Variants in MEX3B observed in about 807,000 individuals in gnomAD.
The protein encoded by MEX3B is mex-3 RNA binding family member B.
In MEX3B, 10 loss-of-function variants were observed where a neutral mutation model predicts 12.2. The ratio of observed to expected loss-of-function variants is 0.82; its 90% CI spans 0.51 to 1.40. MEX3B has a LOEUF of 1.40. Ranked by LOEUF, MEX3B falls within the 40% of genes most tolerant of loss-of-function variation. The pLI, the probability that MEX3B is intolerant of heterozygous loss-of-function variation, is 0.00. For missense variants in MEX3B, 839 were observed against 801.4 expected, an observed-to-expected ratio of 1.05 and a Z score of -0.57; for synonymous variants, 498 against 356.3, an observed-to-expected ratio of 1.40 and a Z score of -4.48.
In MEX3B at chr15:82,045,645, T is replaced by C. The variant is rs1028115042; in HGVS notation, c.61A>G (p.Ser21Gly). The change falls in exon 1 of 2, where the codon AGC (serine) becomes GGC (glycine). Residue 21 changes from serine to glycine, a missense_variant. By Grantham distance (56) the Ser-to-Gly change is moderately conservative. Around this residue, in one of 3 missense-constraint regions of MEX3B, gnomAD observed 214 missense variants for 223.8 expected, o/e 0.96. Coordinates refer to ENST00000329713, the MANE Select transcript of MEX3B (RefSeq NM_032246.6). Reference sequence around the variant, plus strand: ...TCCAGGGTCTCTCCCCCTCCGCTGCTGCCGCCGCCGCCGCCGCCGCTGCCG... The same window carrying C: ...TCCAGGGTCTCTCCCCCTCCGCTGCCGCCGCCGCCGCCGCCGCCGCTGCCG... ...RNGSGGGGGG[S>G]SGGGETLDDQ... 15 of 1,575,690 alleles carry C rather than the reference T, an allele frequency of 9.5e-6. No individual in the cohort carries two copies. The highest frequency in any genetic ancestry group is 4.1e-5 in the African/African-American group (3 of 74,012).
intron 1 of MEX3B, chr15:82,045,013 A>C: frequency 3.5e-6 from 2 of 574,110 alleles, no homozygotes; most frequent in Non-Finnish European, 3.1e-6. Context: ...GACTGGGGGT[A>C]GGGGGTGGGG....
chr15:82,042,143 G>A lies in MEX3B; in HGVS notation c.*1017C>T, dbSNP rs544632731. ...TGCACTGAATTCTATTTATACAAAT[G>A]TTAGAAAGCATCAACAGTTCTTTTT... On this transcript the variant is annotated 3_prime_UTR_variant, in exon 2 of 2. Transcript: ENST00000329713. 6.5e-6 allele frequency: 1 copy of A among 152,686 alleles called. No homozygotes were observed. Among genetic ancestry groups the A allele is most frequent in the East Asian group, 1.9e-4 (1 of 5,190 alleles). The allele number at this position is 152,686 out of a possible 1,614,324, so 9.5% of individuals were successfully genotyped here. A position where few individuals can be genotyped will look rare whatever the true frequency, so the allele number is the denominator to read the frequency against.
chr15:82,044,863 T>C lies in MEX3B; in HGVS notation c.257-250A>G. On this transcript the variant is annotated intron_variant, in intron 1 of 1. Transcript: ENST00000329713. The surrounding 1 kb of genome is among the most constrained non-coding windows in gnomAD (Gnocchi z 5.3). ...GGCCCTCCCCCAGTGACTGCAGTCG[T>C]CCCGAACCAAACCCGAGAATCCCAG... The C allele has an allele frequency of 1.7e-6, 1 of 590,754 alleles. No individual in the cohort carries two copies. Among genetic ancestry groups the C allele is most frequent in the East Asian group, 2.8e-5 (1 of 35,268 alleles). 36.6% of individuals were successfully genotyped at this position (590,754 alleles called of 1,614,324 possible).
rs1596005828 is a variant in MEX3B, at chr15:82,043,062, G to C, written c.*98C>G. 1.2e-5 allele frequency: 13 copies of C among 1,125,916 alleles called. No homozygotes were observed. The highest frequency in any genetic ancestry group is 9.5e-5 in the South Asian group (4 of 42,262). 69.7% of individuals were successfully genotyped at this position (1,125,916 alleles called of 1,614,324 possible). A position where few individuals can be genotyped will look rare whatever the true frequency, so the allele number is the denominator to read the frequency against. ...TGGGGCCGGGAAGGAGAAGGGAGAG[G>C]GGGGGCACCCAGGGAGGCAGGCGAG... On this transcript the variant is annotated 3_prime_UTR_variant, in exon 2 of 2. Coordinates refer to ENST00000329713, the MANE Select transcript of MEX3B (RefSeq NM_032246.6).
At position 82,045,823 on chromosome 15, in the gene MEX3B, G is replaced by C; in HGVS notation, c.-118C>G. ...GCGGGGAGGCCGGTCGCCTGCTGAG[G>C]GCTCCGTTGCTTCTTCCTCGGTGCT... is the stretch of plus-strand genomic sequence containing the variant. On this transcript the variant is annotated 5_prime_UTR_variant, in exon 1 of 2. Coordinates refer to ENST00000329713, the MANE Select transcript of MEX3B (RefSeq NM_032246.6). The C allele has an allele frequency of 6.1e-6, 7 of 1,141,464 alleles. No homozygotes were observed. The highest frequency in any genetic ancestry group is 7.9e-6 in the Non-Finnish European group (7 of 886,904). The allele number at this position is 1,141,464 out of a possible 1,614,324, so 70.7% of individuals were successfully genotyped here. A position where few individuals can be genotyped will look rare whatever the true frequency, so the allele number is the denominator to read the frequency against.
rs1250506458 is a variant in MEX3B, at chr15:82,044,449, G to C, written c.421C>G (p.Arg141Gly). Residue 141 changes from arginine (R) to glycine (G), a missense_variant, in exon 2 of 2, where the codon CGG becomes GGG. Around this residue, in one of 3 missense-constraint regions of MEX3B, gnomAD observed 214 missense variants for 223.8 expected, o/e 0.96. Transcript: ENST00000329713. The surrounding 1 kb of genome is among the most constrained non-coding windows in gnomAD (Gnocchi z 5.3). ...CCGTTGAGTGCCGTGTTCTTATTCC[G>C]GGAGGCGCGGATCATGGAGAAGTGC... ...AEHFSMIRASRNKNTALNGAV... is the reference protein window; with the variant it reads ...AEHFSMIRASGNKNTALNGAV... 44 of 1,613,288 alleles carry C rather than the reference G, an allele frequency of 2.7e-5. No homozygotes were observed. Among genetic ancestry groups the C allele is most frequent in the Non-Finnish European group, 3.6e-5 (43 of 1,180,002 alleles).
At position 82,045,734 on chromosome 15, in the gene MEX3B, C is replaced by G; in HGVS notation, c.-29G>C. ...TCGGCCGTGCGCGCCGCGCCCCCGCCGGCCCTCGGCTCGGCGGCGAGAAGC... is the reference window on the plus strand; with the variant it reads ...TCGGCCGTGCGCGCCGCGCCCCCGCGGGCCCTCGGCTCGGCGGCGAGAAGC... On this transcript the variant is annotated 5_prime_UTR_variant, in exon 1 of 2. Transcript: ENST00000329713. The G allele has an allele frequency of 7.6e-7, 1 of 1,318,804 alleles. No homozygotes were observed. The highest frequency in any genetic ancestry group is 2.2e-5 in the South Asian group (1 of 45,196). 81.7% of individuals were successfully genotyped at this position (1,318,804 alleles called of 1,614,324 possible).
rs2073256449 is a variant in MEX3B at position 82,045,960 on chromosome 15, G to A, written c.-255C>T. The A allele has an allele frequency of 2.6e-6, 1 of 380,578 alleles. No homozygotes were observed. The highest frequency in any genetic ancestry group is 4.6e-6 in the Non-Finnish European group (1 of 217,818). The allele number at this position is 380,578 out of a possible 1,614,324, so 23.6% of individuals were successfully genotyped here. The stretch of plus-strand genomic sequence containing the variant: ...GGTGGGGTGGGGGCAGAGCTCTAGC[G>A]GTGGCCGCGCGTGCCCCCCGAGTGC... On this transcript the variant is annotated 5_prime_UTR_variant, in exon 1 of 2. Coordinates refer to ENST00000329713, the MANE Select transcript of MEX3B (RefSeq NM_032246.6).
In MEX3B at chr15:82,043,621, T is replaced by C; in HGVS notation, c.1249A>G (p.Ser417Gly). The stretch of plus-strand genomic sequence containing the variant: ...CCCAGGTTGGCGTTGGAGGGCGCAC[T>C]GGCGCCACCCCCGGGGAAGACCACG... Reference protein sequence around the residue: ...SSVVFPGGGASAPSNANLGLL... With the variant: ...SSVVFPGGGAGAPSNANLGLL... The change falls in exon 2 of 2, where the codon AGT (serine) becomes GGT (glycine). Residue 417 changes from serine (S) to glycine (G), a missense_variant. Physicochemically the swap from Ser to Gly is moderately conservative, Grantham distance 56. Transcript: ENST00000329713. 1 of 1,602,270 alleles carries C rather than the reference T, an allele frequency of 6.2e-7. No homozygotes were observed. Among genetic ancestry groups the C allele is most frequent in the Non-Finnish European group, 8.5e-7 (1 of 1,174,888 alleles).
rs1271183189 is a variant in MEX3B at position 82,042,441 on chromosome 15, T to TA, written c.*718dup. On this transcript the variant is annotated 3_prime_UTR_variant, in exon 2 of 2. Transcript: ENST00000329713. ...CAGCTACAAAAAAGTTCACTGAACT[T>TA]AAATTAAAATACTTGTAAACATCTT... 6.6e-6 allele frequency: 1 copy of TA among 152,598 alleles called. No individual in the cohort carries two copies. Among genetic ancestry groups the TA allele is most frequent in the African/African-American group, 2.4e-5 (1 of 41,472 alleles). 9.5% of individuals were successfully genotyped at this position (152,598 alleles called of 1,614,324 possible).
chr15:82,045,176 T>C, intron 1 of MEX3B: 1 of 615,358 alleles, frequency 1.6e-6, no homozygotes, highest in Non-Finnish European at 2.9e-6. Context: ...ACATTTAAAT[T>C]GTCTTTCTGG....
Position 82,045,641 on chromosome 15 carries a change from C to CTGA in MEX3B, c.64_65insTCA (p.Ser21_Ser22insIle). 2 of 1,581,506 alleles carry CTGA rather than the reference C, an allele frequency of 1.3e-6. No individual in the cohort carries two copies. Among genetic ancestry groups the CTGA allele is most frequent in the South Asian group, 2.3e-5 (2 of 87,968 alleles). On this transcript the variant is annotated inframe_insertion, in exon 1 of 2. Transcript: ENST00000329713. ...GTCATCCAGGGTCTCTCCCCCTCCG[C>CTGA]TGCTGCCGCCGCCGCCGCCGCCGCT... is the stretch of plus-strand genomic sequence containing the variant.
chr15:82,045,313 G>C, intron 1 of MEX3B, 137 bp downstream of exon 1: 1 of 1,058,552 alleles, frequency 9.4e-7, no homozygotes. Flanking sequence ...TGGGGCGCCG[G>C]CCCATCGCGC....
In MEX3B at chr15:82,043,685, G is replaced by C. The variant is rs368456759; in HGVS notation, c.1185C>G (p.Ser395=). Reference sequence around the variant, plus strand: ...CAGACGAAGATGCAGAAGAAGAGCAGGAAGAAGATACCGGAGCTGCAGGTC... The same window carrying C: ...CAGACGAAGATGCAGAAGAAGAGCACGAAGAAGATACCGGAGCTGCAGGTC... ...GGGPAAPVSS[S]CSSSASSSAS... Residue 395 remains serine (S), a synonymous_variant, in exon 2 of 2, where the codon TCC becomes TCG. Transcript: ENST00000329713. 5.0e-6 allele frequency: 8 copies of C among 1,607,526 alleles called. No individual in the cohort carries two copies. The African/African-American group carries it at 1.1e-4, about 22-fold the overall frequency.
At position 82,043,346 on chromosome 15, in the gene MEX3B, G is replaced by C; in HGVS notation, c.1524C>G (p.Ser508=). 4 of 1,595,740 alleles carry C rather than the reference G, an allele frequency of 2.5e-6. No homozygotes were observed. Among genetic ancestry groups the C allele is most frequent in the Non-Finnish European group, 3.4e-6 (4 of 1,170,984 alleles). Residue 508 remains serine (S), a synonymous_variant, in exon 2 of 2, where the codon TCC becomes TCG. Coordinates refer to ENST00000329713, the MANE Select transcript of MEX3B (RefSeq NM_032246.6). ...SSSSSSSSSS[S]GLRRKGSRDC... ...CGCGGCTGCCTTTACGCCGAAGCCC[G>C]GAGGAAGAGGATGAAGAGCTGGAGG...
Position 82,044,949 on chromosome 15 carries a change from ACGGGGAAGGGGCT to A in MEX3B, c.257-349_257-337del, listed in dbSNP as rs1373327832. ...TGGGCGCGCCGTCAGCTCTGAAGAC[ACGGGGAAGGGGCT>A]CGGGGAAGGCAGCTGAAGTCGCGAT... On this transcript the variant is annotated intron_variant, in intron 1 of 1. Coordinates refer to ENST00000329713, the MANE Select transcript of MEX3B (RefSeq NM_032246.6). This position sits in a 1 kb window ranked among gnomAD's most constrained non-coding sequence, Gnocchi z 5.3. 11 of 567,430 alleles carry A rather than the reference ACGGGGAAGGGGCT, an allele frequency of 1.9e-5. No homozygotes were observed. Among genetic ancestry groups the A allele is most frequent in the Non-Finnish European group, 3.1e-5 (10 of 318,890 alleles). The allele number at this position is 567,430 out of a possible 1,614,324, so 35.1% of individuals were successfully genotyped here. A position where few individuals can be genotyped will look rare whatever the true frequency, so the allele number is the denominator to read the frequency against.
Position 82,044,280 on chromosome 15 carries a change from G to C in MEX3B, c.590C>G (p.Pro197Arg). ...QQQTHTYIVT[P>R]SRDKEPVFEV... is the part of the protein sequence containing the mutation. The stretch of plus-strand genomic sequence containing the variant: ...GAACACCGGCTCCTTATCCCGGCTG[G>C]GCGTCACGATGTACGTGTGCGTCTG... The change falls in exon 2 of 2, where the codon CCC becomes CGC. Residue 197 changes from proline to arginine, a missense_variant. This residue lies in a region of MEX3B where 52 missense variants were observed against 88.7 expected (regional missense o/e 0.59). Coordinates refer to ENST00000329713, the MANE Select transcript of MEX3B (RefSeq NM_032246.6). The surrounding 1 kb of genome is among the most constrained non-coding windows in gnomAD (Gnocchi z 5.3). The C allele has an allele frequency of 6.2e-7, 1 of 1,613,838 alleles. No homozygotes were observed. Among genetic ancestry groups the C allele is most frequent in the Non-Finnish European group, 8.5e-7 (1 of 1,180,030 alleles).
rs976414651 is a variant in MEX3B, at chr15:82,045,085, ATCC to A, written c.256+362_256+364del. The A allele has an allele frequency of 8.4e-6, 5 of 597,524 alleles. 1 individual carries two copies. The African/African-American group carries it at 9.3e-5, about 11-fold the overall frequency. 37.0% of individuals were successfully genotyped at this position (597,524 alleles called of 1,614,324 possible). A position where few individuals can be genotyped will look rare whatever the true frequency, so the allele number is the denominator to read the frequency against. ...CCATTCCGCTTTGCAGAAATCCAGA[ATCC>A]TCCTCCCATCCTATGCTCACTCCTC... On this transcript the variant is annotated intron_variant, in intron 1 of 1. Transcript: ENST00000329713.
rs2141170294 is a variant in MEX3B at position 82,044,545 on chromosome 15, G to A, written c.325C>T (p.Pro109Ser). 4 of 1,614,184 alleles carry A rather than the reference G, an allele frequency of 2.5e-6. No homozygotes were observed. The highest frequency in any genetic ancestry group is 3.4e-6 in the Non-Finnish European group (4 of 1,180,034). ...TTCCTGCCCGTCACAACAAAGACAG[G>A]CTCCTCCCCGCGAACTGGGGTCTTG... ...YIKTPVRGEEPVFVVTGRKED... is the reference protein window; with the variant it reads ...YIKTPVRGEESVFVVTGRKED... The change falls in exon 2 of 2, where the codon CCT becomes TCT. Residue 109 changes from proline to serine, a missense_variant. Pro to Ser is a moderately conservative substitution (Grantham distance 74). Around this residue, in one of 3 missense-constraint regions of MEX3B, gnomAD observed 214 missense variants for 223.8 expected, o/e 0.96. Transcript: ENST00000329713. This position sits in a 1 kb window ranked among gnomAD's most constrained non-coding sequence, Gnocchi z 5.3.
Sources: gnomAD v4.1 joint callset for allele counts on GRCh38, gnomAD v4.1.1 for gene constraint, gnomAD v4.1.1 regional missense constraint, Gnocchi (gnomAD v3.1) non-coding constraint, MANE v1.5 for transcripts, NCBI Gene and HGNC (gene_info 2026-07-23, HGNC 2026-07-21) for gene names.